The following HAT1 variants were observed in gnomAD, a reference collection of about 807,000 sequenced individuals.
HAT1 encodes the protein histone acetyltransferase type B catalytic subunit.
In HAT1, 20 loss-of-function variants were observed where a neutral mutation model predicts 56.6. That is an observed-to-expected ratio of 0.35 (90% CI 0.25 to 0.51). HAT1 has a LOEUF of 0.51. Ranked by LOEUF, HAT1 falls within the 20% of genes least tolerant of loss-of-function variation. The pLI is 0.95. For missense variants in HAT1, 408 were observed against 504.3 expected (o/e 0.81, Z 1.83); for synonymous variants, 146 against 165.5 (o/e 0.88, Z 0.91).
chr2:171,966,017 A>G lies in HAT1; in HGVS notation c.611+109A>G, dbSNP rs1274367538. 4 of 994,450 alleles carry G rather than the reference A, an allele frequency of 4.0e-6. No individual in the cohort carries two copies. The African/African-American group carries it at 4.9e-5, about 12-fold the overall frequency. The allele number at this position is 994,450 out of a possible 1,614,324, so 61.6% of individuals were successfully genotyped here. On this transcript the variant is annotated intron_variant, in intron 6 of 10. Coordinates refer to ENST00000264108, the MANE Select transcript of HAT1 (RefSeq NM_003642.4). Reference sequence around the variant, plus strand: ...AGTATAATGATATTTTTCCCAGGAAAGAAAAACTATTGTTTATGAGGCTTG... The same window carrying G: ...AGTATAATGATATTTTTCCCAGGAAGGAAAAACTATTGTTTATGAGGCTTG...
At chr2:171,940,644 T>C (rs929628901) in intron 2 of HAT1, among the ~76,000 whole-genome samples, 1 of 152,214 alleles carries the variant, frequency 6.6e-6, no homozygotes, top group Non-Finnish European at 1.5e-5. Flanking sequence ...TCATGTTTTT[T>C]TCTTTTGAAA....
intron 2 of HAT1, among the ~76,000 whole-genome samples, chr2:171,944,686 TA>T (rs1687112985): frequency 6.6e-6 from 1 of 152,180 alleles, no homozygotes; most frequent in South Asian, 2.1e-4. Context: ...AGGAGGCACA[TA>T]ATGTTGTTCT....
chr2:171,952,102 A>G (rs1325902298), intron 3 of HAT1, among the ~76,000 whole-genome samples: 1 of 152,220 alleles, frequency 6.6e-6, no homozygotes, highest in African/African-American at 2.4e-5. Flanking sequence ...TGTACAATTC[A>G]GTGGTTTTTA....
At chr2:171,941,642 T>C (rs962964724) in intron 2 of HAT1, among the ~76,000 whole-genome samples, 1 of 152,134 alleles carries the variant, frequency 6.6e-6, no homozygotes. Context: ...GGGTTTTTGC[T>C]CCTATGAGAG....
intron 10 of HAT1, among the ~76,000 whole-genome samples, chr2:171,982,748 C>T (rs551949060): frequency 1.1e-4 from 16 of 151,990 alleles, no homozygotes; most frequent in Non-Finnish European, 1.8e-4. Flanking sequence ...GCATGTGGCC[C>T]GTAAGTACTT....
intron 4 of HAT1, among the ~76,000 whole-genome samples, chr2:171,954,266 C>T (rs1347872663): frequency 1.3e-5 from 2 of 152,150 alleles, no homozygotes; most frequent in East Asian, 1.9e-4. Context: ...TGAAGTTTCT[C>T]TTGCTGCATT....
chr2:171,933,521 C>T (rs996355442), intron 2 of HAT1, among the ~76,000 whole-genome samples: 1 of 150,724 alleles, frequency 6.6e-6, no homozygotes, highest in South Asian at 2.1e-4. Flanking sequence ...GAGCAAGACT[C>T]TGTCTCAAAA....
intron 4 of HAT1, among the ~76,000 whole-genome samples, chr2:171,953,413 G>C (rs1271982397): frequency 6.6e-6 from 1 of 151,856 alleles, no homozygotes; most frequent in Non-Finnish European, 1.5e-5. Flanking sequence ...GGGTGCAGTG[G>C]CTTGTGCCTA....
Position 171,952,978 on chromosome 2 carries a change from G to C in HAT1, c.286G>C (p.Asp96His). 5 of 1,588,942 alleles carry C rather than the reference G, an allele frequency of 3.1e-6. No individual in the cohort carries two copies. Among genetic ancestry groups the C allele is most frequent in the Non-Finnish European group, 4.3e-6 (5 of 1,158,814 alleles). Residue 96 changes from aspartate (D) to histidine (H), a missense_variant, in exon 4 of 11, where the codon GAT becomes CAT. By Grantham distance (81) the Asp-to-His change is moderately conservative. Transcript: ENST00000264108. ...CCGTGTTGAATATGCATCTAAAGTT[G>C]ATGAGAACTTTGACTGTGTAGAGGT... The part of the protein sequence containing the change: ...MFRVEYASKV[D>H]ENFDCVEADD...
intron 2 of HAT1, among the ~76,000 whole-genome samples, chr2:171,935,199 G>C (rs1226503015): frequency 1.3e-5 from 2 of 151,812 alleles, no homozygotes; most frequent in East Asian, 3.9e-4. Flanking sequence ...AGTAGAAGAG[G>C]GACAGTGAAA....
chr2:171,965,360 T>G lies in HAT1; in HGVS notation c.332T>G (p.Ile111Ser). Residue 111 changes from isoleucine (I) to serine (S), a missense_variant, in exon 5 of 11, where the codon ATT (isoleucine) becomes AGT (serine). Ile to Ser is a moderately radical substitution (Grantham distance 142, BLOSUM62 -2). Coordinates refer to ENST00000264108, the MANE Select transcript of HAT1 (RefSeq NM_003642.4). The part of the protein sequence containing the change: ...CVEADDVEGK[I>S]RQIIPPGFCT... ...TAGGCAGATGATGTTGAGGGCAAAA[T>G]TAGACAAATCATTCCACCTGGATTT... The G allele has an allele frequency of 6.2e-7, 1 of 1,607,606 alleles. No homozygotes were observed.
chr2:171,952,262 T>C lies in HAT1; in HGVS notation c.189-619T>C, dbSNP rs139317285. ...TTTCTGTCTCTATAGATTTACCTAT[T>C]TTGGATAATTTAGAGTTCACTTTTT... On this transcript the variant is annotated intron_variant, in intron 3 of 10. Coordinates refer to ENST00000264108, the MANE Select transcript of HAT1 (RefSeq NM_003642.4). 1.6e-3 allele frequency among the ~76,000 whole-genome samples: 250 copies of C among 152,314 alleles called. 2 individuals are homozygous for C. Among genetic ancestry groups the C allele is most frequent in the East Asian group, 3.3e-3 (17 of 5,184 alleles).
chr2:171,941,595 C>T (rs1255201372), intron 2 of HAT1, among the ~76,000 whole-genome samples: 1 of 152,184 alleles, frequency 6.6e-6, no homozygotes, highest in Non-Finnish European at 1.5e-5. Flanking sequence ...CATAAGGAGC[C>T]GTCAACCTAG....
chr2:171,938,024 T>TATTCTCTC, intron 2 of HAT1, among the ~76,000 whole-genome samples: 1 of 104,848 alleles, frequency 9.5e-6, no homozygotes, highest in East Asian at 3.5e-4. Context: ...TGTCTACTGA[T>TATTCTCTC]TCTCTCTCTC....
At chr2:171,978,213 C>T (rs62183773) in intron 9 of HAT1, among the ~76,000 whole-genome samples, 35,711 of 151,664 alleles carry the variant, frequency 0.24, 4,824 homozygotes, top group Middle Eastern at 0.36. Context: ...TGCAGGGGTA[C>T]GCCACCACAC....
chr2:171,980,155 A>G (rs769421809), intron 10 of HAT1: 5 of 152,106 alleles, frequency 3.3e-5, no homozygotes, highest in Non-Finnish European at 7.4e-5. Context: ...ATAGTCTACC[A>G]TGGTTAGCTT....
At chr2:171,970,881 T>C (rs917868102) in intron 8 of HAT1, among the ~76,000 whole-genome samples, 1 of 151,674 alleles carries the variant, frequency 6.6e-6, no homozygotes, top group African/African-American at 2.4e-5. Flanking sequence ...TGACATTGGA[T>C]AAGCTTGTAC....
chr2:171,935,879 C>CA (rs776928286), intron 2 of HAT1, among the ~76,000 whole-genome samples: 1 of 151,174 alleles, frequency 6.6e-6, no homozygotes, highest in African/African-American at 2.4e-5. Flanking sequence ...GACCCTGTCT[C>CA]AAAAAACAAA....
rs573235830 is a variant in HAT1 at position 171,953,732 on chromosome 2, C to T, written c.309+731C>T. On this transcript the variant is annotated intron_variant, in intron 4 of 10. Coordinates refer to ENST00000264108, the MANE Select transcript of HAT1 (RefSeq NM_003642.4). The stretch of plus-strand genomic sequence containing the variant: ...TTCTCAGGCTGGGTGTGGTGGCTAA[C>T]GCCTATAATCCCAGCACTTTGGGAG... Among the ~76,000 whole-genome samples the T allele has an allele frequency of 5.1e-4, 77 of 150,008 alleles. 1 individual carries two copies. The highest frequency in any genetic ancestry group is 8.7e-4 in the Non-Finnish European group (59 of 67,846).
Sources: allele counts gnomAD v4.1 joint callset (sites outside exome capture counted in the v4.1 genomes callset), GRCh38; gene constraint gnomAD v4.1.1; transcripts MANE v1.5; gene names NCBI Gene and HGNC (gene_info 2026-07-23, HGNC 2026-07-21).